The following TLK1 variants were observed in gnomAD, a reference collection of about 807,000 sequenced individuals.
TLK1 encodes tousled like kinase 1.
In TLK1, 24 loss-of-function variants were observed where a neutral mutation model predicts 105.3. That is an observed-to-expected ratio of 0.23 (90% confidence interval 0.17 to 0.32). The LOEUF (loss-of-function observed/expected upper bound fraction) is 0.32, where lower values mean the gene tolerates loss of function less well. Among genes scored for constraint, TLK1 ranks in the 10% least tolerant of loss-of-function variants. The probability of loss-of-function intolerance (pLI) is 1.00; values close to 1 mark genes in which losing one functional copy is unlikely to be tolerated. For missense variants in TLK1, 558 were observed against 910.5 expected, an observed-to-expected ratio of 0.61 and a Z score of 4.98; for synonymous variants, 321 against 310.4, an observed-to-expected ratio of 1.03 and a Z score of -0.36.
At chr2:171,226,982 G>A (rs1459565404) in intron 1 of TLK1, among the ~76,000 whole-genome samples, 4 of 152,140 alleles carry the variant, frequency 2.6e-5, no homozygotes, top group African/African-American at 9.7e-5. Flanking sequence ...CTACCATGAG[G>A]TAGATACAAA....
At chr2:171,088,976 C>G (rs1689104139) in intron 2 of TLK1, among the ~76,000 whole-genome samples, 1 of 152,200 alleles carries the variant, frequency 6.6e-6, no homozygotes, top group Admixed American at 6.5e-5. Flanking sequence ...ACTCCACTTT[C>G]CGGGCTCAAG....
chr2:171,180,542 T>C (rs1692910296), intron 1 of TLK1, among the ~76,000 whole-genome samples: 1 of 152,218 alleles, frequency 6.6e-6, no homozygotes, highest in African/African-American at 2.4e-5. Context: ...AAATTTTATA[T>C]ATACTTTTTA....
At chr2:171,016,552 C>T (rs935667745) in intron 12 of TLK1, among the ~76,000 whole-genome samples, 2 of 152,162 alleles carry the variant, frequency 1.3e-5, no homozygotes, top group Non-Finnish European at 2.9e-5. Context: ...CTGAATAATG[C>T]ATTTAAATAT....
At chr2:171,183,106 C>T (rs1335391863) in intron 1 of TLK1, among the ~76,000 whole-genome samples, 2 of 151,982 alleles carry the variant, frequency 1.3e-5, no homozygotes, top group African/African-American at 2.4e-5. Context: ...AGTTTAAAAA[C>T]CTGTTTTTCC....
At chr2:171,109,958 A>G (rs1690089144) in intron 2 of TLK1, among the ~76,000 whole-genome samples, 2 of 152,216 alleles carry the variant, frequency 1.3e-5, no homozygotes, top group South Asian at 2.1e-4. Context: ...CAGAAATTAG[A>G]TAAGGGTTGG....
chr2:171,028,224 AATTTGAAAT>A (rs1685872877), intron 12 of TLK1, 106 bp downstream of exon 12: 1 of 716,432 alleles, frequency 1.4e-6, no homozygotes, highest in African/African-American at 1.8e-5. Flanking sequence ...TGAAATTTTT[AATTTGAAAT>A]CTTACTCTCT....
Position 171,148,828 on chromosome 2 carries a change from C to T in TLK1, c.139+11462G>A, listed in dbSNP as rs538307977. Among the ~76,000 whole-genome samples, 63 of 147,866 alleles carry T rather than the reference C, an allele frequency of 4.3e-4. 1 individual carries two copies. The highest frequency in any genetic ancestry group is 1.1e-3 in the African/African-American group (45 of 39,744). Reference sequence around the variant, plus strand: ...CCTGGAGGCAGAGGATGCAGTGAGCCGAGATCGTGCCACTACACTCCAGCC... The same window carrying T: ...CCTGGAGGCAGAGGATGCAGTGAGCTGAGATCGTGCCACTACACTCCAGCC... On this transcript the variant is annotated intron_variant, in intron 1 of 20. Coordinates refer to ENST00000431350, the MANE Select transcript of TLK1 (RefSeq NM_012290.5).
intron 1 of TLK1, among the ~76,000 whole-genome samples, chr2:171,189,594 T>A (rs1693103085): frequency 6.6e-6 from 1 of 152,246 alleles, no homozygotes. Context: ...AAAGAAATTC[T>A]GTTACCTATA....
rs553534083 is a variant in TLK1, at chr2:171,107,626, G to C, written c.258+10113C>G. ...TCATATTCAATGCAGAAAAGGACGA[G>C]GGAAGCCAGAAATGTCTTGTGTCTG... On this transcript the variant is annotated intron_variant, in intron 2 of 20. Coordinates refer to ENST00000431350, the MANE Select transcript of TLK1 (RefSeq NM_012290.5). Among the ~76,000 whole-genome samples, 3 of 152,248 alleles carry C rather than the reference G, an allele frequency of 2.0e-5. No individual in the cohort carries two copies. In the South Asian group the frequency reaches 6.2e-4, roughly 32 times the overall value.
intron 1 of TLK1, among the ~76,000 whole-genome samples, chr2:171,120,031 G>A (rs925495194): frequency 6.6e-6 from 1 of 152,084 alleles, no homozygotes; most frequent in Admixed American, 6.6e-5. Flanking sequence ...CAGATCACTT[G>A]AGGTCAGCAG....
chr2:171,082,916 T>G (rs1688814241), intron 2 of TLK1, 64 bp from the exon 3 acceptor site: 2 of 1,114,160 alleles, frequency 1.8e-6, no homozygotes, highest in Non-Finnish European at 2.7e-6. Context: ...GGGAATAATT[T>G]TAAACAAACA....
chr2:171,213,585 G>A (rs1693659872), intron 1 of TLK1, among the ~76,000 whole-genome samples: 1 of 151,494 alleles, frequency 6.6e-6, no homozygotes, highest in Non-Finnish European at 1.5e-5. Flanking sequence ...TTGGGAGGCT[G>A]AGGCGGGAGG....
chr2:171,108,014 G>A (rs1486450303), intron 2 of TLK1, among the ~76,000 whole-genome samples: 5 of 150,958 alleles, frequency 3.3e-5, no homozygotes, highest in African/African-American at 4.9e-5. Context: ...CCGAGATTGC[G>A]TCACCGTACT....
chr2:171,173,919 C>G (rs1692774853), intron 1 of TLK1, among the ~76,000 whole-genome samples: 1 of 151,030 alleles, frequency 6.6e-6, no homozygotes, highest in Admixed American at 6.6e-5. Flanking sequence ...ACCCCCAGCT[C>G]CCCATTTCCC....
rs1259771917 is a variant in TLK1 at position 171,160,595 on chromosome 2, T to G, written c.-167A>C. 8,251 of 784,340 alleles carry G rather than the reference T, an allele frequency of 0.011. No homozygotes were observed. The highest frequency in any genetic ancestry group is 0.041 in the African/African-American group (1,091 of 26,922). 48.6% of individuals were successfully genotyped at this position (784,340 alleles called of 1,614,324 possible). ...GGGAGGAAACCGAGAAGAGGGGAGGTGGGGAGGAAAGAGGTGAGGGAAGGA... is the reference window on the plus strand; with the variant it reads ...GGGAGGAAACCGAGAAGAGGGGAGGGGGGGAGGAAAGAGGTGAGGGAAGGA... On this transcript the variant is annotated 5_prime_UTR_variant, in exon 1 of 21. Coordinates refer to ENST00000431350, the MANE Select transcript of TLK1 (RefSeq NM_012290.5). The surrounding 1 kb of genome is among the most constrained non-coding windows in gnomAD (Gnocchi z 4.4).
At chr2:171,003,240 C>T (rs1045488900) in intron 18 of TLK1, among the ~76,000 whole-genome samples, 3 of 132,814 alleles carry the variant, frequency 2.3e-5, no homozygotes, top group African/African-American at 9.0e-5. Flanking sequence ...CACCACTGCA[C>T]TCCAGCCTGG....
chr2:171,173,454 C>T (rs1315284545), intron 1 of TLK1, among the ~76,000 whole-genome samples: 2 of 152,136 alleles, frequency 1.3e-5, no homozygotes, highest in African/African-American at 4.8e-5. Context: ...CTGGTTTCAT[C>T]ACATCTGACT....
intron 2 of TLK1, among the ~76,000 whole-genome samples, chr2:171,115,139 T>A (rs972486903): frequency 2.6e-5 from 4 of 151,570 alleles, no homozygotes; most frequent in African/African-American, 9.7e-5. Flanking sequence ...TACTGCATCA[T>A]CTTTCATCTT....
At chr2:171,007,900 A>G (rs1365053858) in intron 14 of TLK1, among the ~76,000 whole-genome samples, 1 of 152,164 alleles carries the variant, frequency 6.6e-6, no homozygotes, top group East Asian at 1.9e-4. Flanking sequence ...TTAAATTAAA[A>G]ACACAGAATG....
Sources: gnomAD v4.1 joint callset for allele counts (sites outside exome capture counted in the v4.1 genomes callset) on GRCh38, gnomAD v4.1.1 for gene constraint, Gnocchi (gnomAD v3.1) non-coding constraint, MANE v1.5 for transcripts, NCBI Gene and HGNC (gene_info 2026-07-23, HGNC 2026-07-21) for gene names.